The following SEMA3E variants were observed in gnomAD, a reference collection of about 807,000 sequenced individuals.
SEMA3E encodes semaphorin 3E.
A neutral mutation model predicts 93.6 loss-of-function variants in SEMA3E; 49 were observed. That is an observed-to-expected ratio of 0.52 (90% CI 0.42 to 0.66). SEMA3E has a LOEUF of 0.66. Ranked by LOEUF, SEMA3E falls within the 30% of genes least tolerant of loss-of-function variation. The probability of loss-of-function intolerance (pLI) is 0.00; values close to 1 mark genes in which losing one functional copy is unlikely to be tolerated. For synonymous variants in SEMA3E, 363 were observed against 330.7 expected (o/e 1.10, Z -1.06); for missense variants, 906 against 964.8 (o/e 0.94, Z 0.81).
chr7:83,411,533 A>T (rs1788438635), intron 5 of SEMA3E, among the ~76,000 whole-genome samples: 1 of 152,108 alleles, frequency 6.6e-6, no homozygotes, highest in African/African-American at 2.4e-5. Context: ...TTCCTAAGAA[A>T]ATTAGAAAAG....
intron 1 of SEMA3E, among the ~76,000 whole-genome samples, chr7:83,523,407 T>TA (rs1316686412): frequency 2.6e-5 from 4 of 152,196 alleles, no homozygotes; most frequent in South Asian, 2.1e-4. Context: ...AGGCATGTTT[T>TA]AAAAAATGTA....
chr7:83,431,276 G>T (rs1788877996), intron 4 of SEMA3E, among the ~76,000 whole-genome samples: 3 of 151,506 alleles, frequency 2.0e-5, no homozygotes, highest in Admixed American at 2.0e-4. Flanking sequence ...GAGAAGGAAT[G>T]TCTCTCTGTA....
rs1788256745 is a variant in SEMA3E, at chr7:83,402,791, A to G, written c.999-15T>C. The stretch of plus-strand genomic sequence containing the variant: ...GAAAAATATTACTGAAAAATACAAA[A>G]AAGATAATTATTCTTCTGGAACTAA... On this transcript the variant is annotated splice_polypyrimidine_tract_variant and intron_variant, in intron 9 of 16. Transcript: ENST00000643230. 3 of 1,608,404 alleles carry G rather than the reference A, an allele frequency of 1.9e-6. No individual in the cohort carries two copies. The African/African-American group carries it at 4.0e-5, about 22-fold the overall frequency.
intron 2 of SEMA3E, 94 bp from the exon 3 acceptor site, chr7:83,469,396 TCC>T: frequency 1.5e-6 from 1 of 679,964 alleles, no homozygotes. Context: ...TCAAAACATT[TCC>T]TTTTTTTTTT....
intron 4 of SEMA3E, among the ~76,000 whole-genome samples, chr7:83,423,379 A>T (rs534011234): frequency 1.3e-5 from 2 of 152,248 alleles, no homozygotes; most frequent in South Asian, 2.1e-4. Context: ...TCTCCAGAAG[A>T]CTTCAAATAC....
intron 1 of SEMA3E, among the ~76,000 whole-genome samples, chr7:83,597,975 T>C (rs1046287043): frequency 6.6e-6 from 1 of 152,206 alleles, no homozygotes; most frequent in Non-Finnish European, 1.5e-5. Context: ...TCAGGTTCAC[T>C]TTGTGGTGCA....
At chr7:83,521,398 G>T (rs1416672563) in intron 1 of SEMA3E, among the ~76,000 whole-genome samples, 1 of 152,074 alleles carries the variant, frequency 6.6e-6, no homozygotes, top group East Asian at 1.9e-4. Flanking sequence ...CTCAGAAATT[G>T]CATTATTGTT....
Position 83,648,730 on chromosome 7 carries a change from C to T in SEMA3E, c.-188G>A, listed in dbSNP as rs1284461049. ...TGGCTATGTAAAACCTTTCTTTCCT[C>T]GGGACAGTTGTTTATAAGCCGGGAG... is the stretch of plus-strand genomic sequence containing the variant. On this transcript the variant is annotated 5_prime_UTR_variant, in exon 1 of 17. Coordinates refer to ENST00000643230, the MANE Select transcript of SEMA3E (RefSeq NM_012431.3). The T allele has an allele frequency of 9.2e-6, 6 of 651,328 alleles. No homozygotes were observed. The highest frequency in any genetic ancestry group is 1.7e-5 in the Non-Finnish European group (6 of 356,656). The allele number at this position is 651,328 out of a possible 1,614,324, so 40.3% of individuals were successfully genotyped here. A position where few individuals can be genotyped will look rare whatever the true frequency, so the allele number is the denominator to read the frequency against.
At chr7:83,377,412 G>A (rs1787669055) in intron 16 of SEMA3E, among the ~76,000 whole-genome samples, 1 of 151,936 alleles carries the variant, frequency 6.6e-6, no homozygotes, top group African/African-American at 2.4e-5. Flanking sequence ...GGCTTTGCAA[G>A]TCCTGTGGTC....
chr7:83,370,688 T>C (rs1246163559), intron 16 of SEMA3E, among the ~76,000 whole-genome samples: 3 of 152,182 alleles, frequency 2.0e-5, no homozygotes, highest in Non-Finnish European at 4.4e-5. Flanking sequence ...CTTCCCAAAC[T>C]GGCCTTTCTC....
intron 16 of SEMA3E, among the ~76,000 whole-genome samples, chr7:83,376,470 TTA>T (rs990570304): frequency 6.6e-6 from 1 of 152,048 alleles, no homozygotes; most frequent in Non-Finnish European, 1.5e-5. Context: ...ATCAATAAAA[TTA>T]TGTTTTATTT....
chr7:83,556,916 A>C (rs552389289), intron 1 of SEMA3E, among the ~76,000 whole-genome samples: 2 of 152,254 alleles, frequency 1.3e-5, no homozygotes, highest in East Asian at 3.9e-4. Flanking sequence ...TTGTGAGGAC[A>C]CAGTGTTCAA....
intron 1 of SEMA3E, among the ~76,000 whole-genome samples, chr7:83,580,502 A>G (rs1327636402): frequency 6.6e-6 from 1 of 151,924 alleles, no homozygotes; most frequent in Non-Finnish European, 1.5e-5. Context: ...TTCACTGCCT[A>G]TTCCTAAATT....
intron 4 of SEMA3E, among the ~76,000 whole-genome samples, chr7:83,454,271 AAATATATAT>A (rs1443402440): frequency 9.7e-6 from 1 of 102,880 alleles, no homozygotes; most frequent in Non-Finnish European, 2.0e-5. Context: ...AAAAAAAAAA[AAATATATAT>A]ATATATATAT....
chr7:83,560,884 CAG>C (rs1437258799), intron 1 of SEMA3E, among the ~76,000 whole-genome samples: 1 of 151,850 alleles, frequency 6.6e-6, no homozygotes, highest in Non-Finnish European at 1.5e-5. Flanking sequence ...AAGTACGTAA[CAG>C]ATTTTCAAAC....
At chr7:83,611,025 G>T (rs1012499545) in intron 1 of SEMA3E, among the ~76,000 whole-genome samples, 2 of 151,544 alleles carry the variant, frequency 1.3e-5, no homozygotes, top group East Asian at 3.9e-4. Flanking sequence ...AATCTATTAG[G>T]TTGGGGCAAA....
intron 12 of SEMA3E, 38 bp downstream of exon 12, chr7:83,396,600 A>G (rs762810297): frequency 1.3e-5 from 15 of 1,188,848 alleles, no homozygotes; most frequent in Non-Finnish European, 1.8e-5. Context: ...TTGTAGTTGT[A>G]ATGCATAAAT....
intron 4 of SEMA3E, among the ~76,000 whole-genome samples, chr7:83,442,996 C>A (rs1789149810): frequency 6.6e-6 from 1 of 150,990 alleles, no homozygotes; most frequent in Non-Finnish European, 1.5e-5. Context: ...ATATGAGGGA[C>A]TGGGGAAACC....
intron 12 of SEMA3E, among the ~76,000 whole-genome samples, chr7:83,395,497 T>A (rs1788102879): frequency 6.6e-6 from 1 of 152,192 alleles, no homozygotes; most frequent in Non-Finnish European, 1.5e-5. Context: ...TGTTTTTAAC[T>A]CATGGGCACA....
Sources: gnomAD v4.1 joint callset for allele counts (sites outside exome capture counted in the v4.1 genomes callset) on GRCh38, gnomAD v4.1.1 for gene constraint, MANE v1.5 for transcripts, NCBI Gene and HGNC (gene_info 2026-07-23, HGNC 2026-07-21) for gene names.